The following SCAMP1 variants were observed in gnomAD, a reference collection of about 807,000 sequenced individuals.
SCAMP1 encodes the protein secretory carrier-associated membrane protein 1.
A neutral mutation model predicts 41.8 loss-of-function variants in SCAMP1; 15 were observed. The observed-to-expected ratio is 0.36, with a 90% CI of 0.24 to 0.55. The LOEUF (loss-of-function observed/expected upper bound fraction) is 0.55, where lower values mean the gene tolerates loss of function less well. Among genes scored for constraint, SCAMP1 ranks in the 20% least tolerant of loss-of-function variants. SCAMP1 has a pLI of 0.86. For missense variants in SCAMP1, 341 were observed against 412.6 expected, an observed-to-expected ratio of 0.83 and a Z score of 1.50; for synonymous variants, 135 against 136.8, an observed-to-expected ratio of 0.99 and a Z score of 0.09.
intron 8 of SCAMP1, among the ~76,000 whole-genome samples, chr5:78,460,195 C>T (rs1580714523): frequency 6.6e-6 from 1 of 152,218 alleles, no homozygotes; most frequent in East Asian, 1.9e-4. Flanking sequence ...GCTATTGTGA[C>T]TAGTGCTGCA....
rs187898040 is a variant in SCAMP1 at position 78,459,428 on chromosome 5, T to G, written c.852+66T>G. The G allele has an allele frequency of 3.6e-3, 2,915 of 821,044 alleles. 13 individuals are homozygous for G. The highest frequency in any genetic ancestry group is 7.2e-3 in the Middle Eastern group (25 of 3,452). 50.9% of individuals were successfully genotyped at this position (821,044 alleles called of 1,614,324 possible). A position where few individuals can be genotyped will look rare whatever the true frequency, so the allele number is the denominator to read the frequency against. On this transcript the variant is annotated intron_variant, in intron 8 of 8. Transcript: ENST00000621999. ...ATGTAAAGTTCTCATTTTCCTATTTTGCTATAATTTGGTGTAACCTGAAGC... is the reference window on the plus strand; with the variant it reads ...ATGTAAAGTTCTCATTTTCCTATTTGGCTATAATTTGGTGTAACCTGAAGC...
chr5:78,410,881 A>AT (rs1166706408), intron 2 of SCAMP1, among the ~76,000 whole-genome samples: 1 of 151,572 alleles, frequency 6.6e-6, no homozygotes, highest in Non-Finnish European at 1.5e-5. Flanking sequence ...TTTGATTTGC[A>AT]TTTTTCTAAT....
chr5:78,451,791 A>G (rs1580706498), intron 7 of SCAMP1, among the ~76,000 whole-genome samples: 1 of 152,260 alleles, frequency 6.6e-6, no homozygotes, highest in Non-Finnish European at 1.5e-5. Flanking sequence ...AGTAGCTGGG[A>G]TTACAGGCGC....
At chr5:78,364,051 A>G (rs1382873201) in intron 1 of SCAMP1, among the ~76,000 whole-genome samples, 1 of 152,266 alleles carries the variant, frequency 6.6e-6, no homozygotes, top group Non-Finnish European at 1.5e-5. Flanking sequence ...TATAGTCAAC[A>G]TGTAATTATT....
At chr5:78,443,231 A>C (rs977638203) in intron 6 of SCAMP1, among the ~76,000 whole-genome samples, 1 of 149,982 alleles carries the variant, frequency 6.7e-6, no homozygotes, top group East Asian at 1.9e-4. Flanking sequence ...AAAAAAAAAA[A>C]AAAAAAGAAT....
At chr5:78,401,133 A>G (rs1305545046) in intron 2 of SCAMP1, among the ~76,000 whole-genome samples, 1 of 152,124 alleles carries the variant, frequency 6.6e-6, no homozygotes, top group Admixed American at 6.5e-5. Flanking sequence ...TGATGTAATG[A>G]ATTACATTAA....
At chr5:78,369,108 ATTT>A (rs34278150) in intron 1 of SCAMP1, among the ~76,000 whole-genome samples, 3 of 141,822 alleles carry the variant, frequency 2.1e-5, no homozygotes, top group Non-Finnish European at 3.1e-5. Context: ...AGGACACACA[ATTT>A]TTTTTTTTTT....
At chr5:78,444,121 A>G (rs1752997624) in intron 6 of SCAMP1, among the ~76,000 whole-genome samples, 1 of 152,214 alleles carries the variant, frequency 6.6e-6, no homozygotes, top group Non-Finnish European at 1.5e-5. Context: ...GAAAGAATTC[A>G]TTTCAGCATA....
intron 1 of SCAMP1, among the ~76,000 whole-genome samples, chr5:78,381,373 T>C (rs1396442554): frequency 6.6e-6 from 1 of 152,186 alleles, no homozygotes; most frequent in East Asian, 1.9e-4. Flanking sequence ...ATAACTGATA[T>C]TTGAGGACTC....
intron 1 of SCAMP1, among the ~76,000 whole-genome samples, chr5:78,375,640 A>T (rs1305015124): frequency 6.6e-6 from 1 of 152,200 alleles, no homozygotes; most frequent in African/African-American, 2.4e-5. Context: ...GAAGGAACTA[A>T]TGGTGAAAAT....
At chr5:78,377,698 C>T (rs1448682994) in intron 1 of SCAMP1, among the ~76,000 whole-genome samples, 2 of 152,166 alleles carry the variant, frequency 1.3e-5, no homozygotes, top group Non-Finnish European at 2.9e-5. Flanking sequence ...TTTTACAATT[C>T]TCAGTTAGCC....
At chr5:78,393,353 G>C (rs887491687) in intron 2 of SCAMP1, among the ~76,000 whole-genome samples, 1 of 152,114 alleles carries the variant, frequency 6.6e-6, no homozygotes, top group African/African-American at 2.4e-5. Flanking sequence ...ATTATTTTCT[G>C]TAGAGAAGAG....
intron 2 of SCAMP1, among the ~76,000 whole-genome samples, chr5:78,415,072 G>T (rs150499531): frequency 2.6e-3 from 388 of 151,692 alleles, no homozygotes; most frequent in African/African-American, 8.9e-3. Context: ...TCCTGCCTCA[G>T]CCTCCCAAGT....
At chr5:78,465,985 G>T (rs545933145) in intron 8 of SCAMP1, among the ~76,000 whole-genome samples, 2 of 152,212 alleles carry the variant, frequency 1.3e-5, no homozygotes, top group African/African-American at 4.8e-5. Flanking sequence ...CCTTCACAGC[G>T]GCACCTAGGT....
Position 78,421,829 on chromosome 5 carries a change from C to A in SCAMP1, c.501C>A (p.Ile167=), listed in dbSNP as rs1752345944. The change falls in exon 6 of 9, where the codon ATC becomes ATA. Residue 167 remains isoleucine, a synonymous_variant. Transcript: ENST00000621999. The stretch of plus-strand genomic sequence containing the variant: ...ATGCAGTAACACTGTTTCTAAATAT[C>A]TTCGGATGCTTGGCTTGGTTTTGTG... The part of the protein sequence containing the change: ...MFHAVTLFLN[I]FGCLAWFCVD... 2 of 1,613,738 alleles carry A rather than the reference C, an allele frequency of 1.2e-6. No homozygotes were observed. Among genetic ancestry groups the A allele is most frequent in the Non-Finnish European group, 1.7e-6 (2 of 1,179,792 alleles).
At chr5:78,441,986 G>A (rs1224240129) in intron 6 of SCAMP1, among the ~76,000 whole-genome samples, 10 of 151,978 alleles carry the variant, frequency 6.6e-5, no homozygotes, top group Admixed American at 3.9e-4. Flanking sequence ...AATATTAGTC[G>A]GTTGTCATGG....
chr5:78,434,896 T>C (rs748295769), intron 6 of SCAMP1, among the ~76,000 whole-genome samples: 1 of 152,236 alleles, frequency 6.6e-6, no homozygotes, highest in Non-Finnish European at 1.5e-5. Context: ...AAAATACTTT[T>C]TGATGAATCA....
intron 1 of SCAMP1, among the ~76,000 whole-genome samples, chr5:78,377,694 A>C (rs920185880): frequency 6.6e-6 from 1 of 152,154 alleles, no homozygotes; most frequent in African/African-American, 2.4e-5. Flanking sequence ...TACTTTTTAC[A>C]ATTCTCAGTT....
chr5:78,442,364 G>T (rs1258111938), intron 6 of SCAMP1, among the ~76,000 whole-genome samples: 1 of 152,152 alleles, frequency 6.6e-6, no homozygotes, highest in African/African-American at 2.4e-5. Context: ...TCAGCCTCCT[G>T]GGTTCAAGCA....
Sources: gnomAD v4.1 joint callset for allele counts (sites outside exome capture counted in the v4.1 genomes callset) on GRCh38, gnomAD v4.1.1 for gene constraint, MANE v1.5 for transcripts, NCBI Gene and HGNC (gene_info 2026-07-23, HGNC 2026-07-21) for gene names.